Variants in MYEF2 observed in about 807,000 individuals in gnomAD.
MYEF2 encodes myelin gene expression factor 2.
MYEF2 carries 37 observed loss-of-function variants against 75.2 expected under a neutral mutation model. The ratio of observed to expected loss-of-function variants is 0.49; its 90% CI spans 0.38 to 0.65. MYEF2 has a LOEUF of 0.65. Ranked by LOEUF, MYEF2 falls within the 30% of genes least tolerant of loss-of-function variation. MYEF2 has a pLI of 0.00. For synonymous variants in MYEF2, 195 were observed against 241.6 expected (o/e 0.81, Z 1.79); for missense variants, 634 against 771.4 (o/e 0.82, Z 2.11).
chr15:48,148,675 T>A (rs1245355194), intron 16 of MYEF2, among the ~76,000 whole-genome samples: 1 of 152,026 alleles, frequency 6.6e-6, no homozygotes, highest in East Asian at 1.9e-4. Flanking sequence ...AAATATACCA[T>A]TTATTAATAT....
intron 5 of MYEF2, among the ~76,000 whole-genome samples, chr15:48,160,522 C>T (rs1011871103): frequency 6.6e-6 from 1 of 151,496 alleles, no homozygotes; most frequent in Non-Finnish European, 1.5e-5. Context: ...CACACACAAA[C>T]ATAAATGTAC....
intron 16 of MYEF2, 56 bp from the exon 17 acceptor site, chr15:48,143,127 T>G: frequency 7.8e-7 from 1 of 1,282,022 alleles, no homozygotes; most frequent in Non-Finnish European, 1.0e-6. Context: ...CTATTTCACT[T>G]TATAGGTTTG....
chr15:48,174,664 C>T (rs1279271521), intron 1 of MYEF2, among the ~76,000 whole-genome samples: 2 of 152,058 alleles, frequency 1.3e-5, no homozygotes, highest in Non-Finnish European at 2.9e-5. Context: ...AGAAGACATA[C>T]CAACGGCCAA....
At position 48,151,110 on chromosome 15, in the gene MYEF2, T is replaced by C. The variant is rs1463322994; in HGVS notation, c.1368A>G (p.Gly456=). The C allele has an allele frequency of 1.9e-6, 3 of 1,606,310 alleles. No individual in the cohort carries two copies. The Admixed American group carries it at 5.1e-5, about 27-fold the overall frequency. ...RIGSSNMGPV[G]SGISGGMGSM... Reference sequence around the variant, plus strand: ...AAAATTTAAACCTACTTATTCCAGATCCTACTGGACCCATGTTAGAAGATC... The same window carrying C: ...AAAATTTAAACCTACTTATTCCAGACCCTACTGGACCCATGTTAGAAGATC... The change falls in exon 14 of 17, where the codon GGA becomes GGG. Residue 456 remains glycine (G), a synonymous_variant. Coordinates refer to ENST00000324324, the MANE Select transcript of MYEF2 (RefSeq NM_016132.5).
At chr15:48,161,501 C>T (rs1022292479) in intron 5 of MYEF2, among the ~76,000 whole-genome samples, 1 of 151,668 alleles carries the variant, frequency 6.6e-6, no homozygotes, top group Admixed American at 6.6e-5. Context: ...CTGAATAAAT[C>T]CCTCATCATT....
chr15:48,153,915 T>G (rs1226840338), intron 9 of MYEF2, 22 bp from the exon 10 acceptor site: 2 of 1,596,996 alleles, frequency 1.3e-6, no homozygotes, highest in Admixed American at 3.4e-5. Flanking sequence ...ATGAGAACAA[T>G]CATTACAAAG....
chr15:48,134,897 C>A lies in MYEF2; in HGVS notation c.*8011G>T. 6.2e-7 allele frequency: 1 copy of A among 1,609,928 alleles called. No homozygotes were observed. Among genetic ancestry groups the A allele is most frequent in the Non-Finnish European group, 8.5e-7 (1 of 1,177,242 alleles). On this transcript the variant is annotated 3_prime_UTR_variant, in exon 17 of 17. Coordinates refer to ENST00000324324, the MANE Select transcript of MYEF2 (RefSeq NM_016132.5). ...ACCATATTACAGGTCTCAACACTAT[C>A]ATGTTGGCCCCTATTCAGAGACTGT...
chr15:48,140,648 A>G lies in MYEF2; in HGVS notation c.*2260T>C, dbSNP rs891011343. The G allele has an allele frequency of 3.3e-5, 5 of 151,892 alleles. No homozygotes were observed. The highest frequency in any genetic ancestry group is 1.2e-4 in the African/African-American group (5 of 41,232). The allele number at this position is 151,892 out of a possible 1,614,324, so 9.4% of individuals were successfully genotyped here. ...CTGCCAAAGCCCACTAAATTAAGGT[A>G]TATCACTAAAGTAGAACATAATAAA... On this transcript the variant is annotated 3_prime_UTR_variant, in exon 17 of 17. Coordinates refer to ENST00000324324, the MANE Select transcript of MYEF2 (RefSeq NM_016132.5).
chr15:48,140,160 G>C lies in MYEF2; in HGVS notation c.*2748C>G, dbSNP rs566745111. On this transcript the variant is annotated 3_prime_UTR_variant, in exon 17 of 17. Transcript: ENST00000324324. ...ATATCTATCCAAATTCACTCAGCCA[G>C]AACACATTTGATACTAGAAAAATAA... 2 of 151,772 alleles carry C rather than the reference G, an allele frequency of 1.3e-5. No individual in the cohort carries two copies. The highest frequency in any genetic ancestry group is 4.8e-5 in the African/African-American group (2 of 41,330). The allele number at this position is 151,772 out of a possible 1,614,324, so 9.4% of individuals were successfully genotyped here. A position where few individuals can be genotyped will look rare whatever the true frequency, so the allele number is the denominator to read the frequency against.
intron 9 of MYEF2, chr15:48,157,658 G>T: frequency 1.4e-6 from 1 of 709,100 alleles, no homozygotes; most frequent in Non-Finnish European, 1.8e-6. Flanking sequence ...TACATAGCAG[G>T]CTAGAAGAAA....
intron 9 of MYEF2, among the ~76,000 whole-genome samples, chr15:48,155,998 G>A (rs1458819387): frequency 1.3e-5 from 2 of 151,896 alleles, no homozygotes; most frequent in African/African-American, 4.8e-5. Flanking sequence ...GGCTGATCTC[G>A]AACTCCTGAC....
At chr15:48,160,465 A>C in intron 5 of MYEF2, among the ~76,000 whole-genome samples, 1 of 142,606 alleles carries the variant, frequency 7.0e-6, no homozygotes, top group Admixed American at 7.5e-5. Context: ...GAAACACCCT[A>C]CCTTTAAACA....
In MYEF2 at chr15:48,134,892, A is replaced by G. The variant is rs767431083; in HGVS notation, c.*8016T>C. 7 of 1,609,984 alleles carry G rather than the reference A, an allele frequency of 4.3e-6. No individual in the cohort carries two copies. The highest frequency in any genetic ancestry group is 1.7e-4 in the Middle Eastern group (1 of 6,042). The stretch of plus-strand genomic sequence containing the variant: ...AACTTACCATATTACAGGTCTCAAC[A>G]CTATCATGTTGGCCCCTATTCAGAG... On this transcript the variant is annotated 3_prime_UTR_variant, in exon 17 of 17. Transcript: ENST00000324324.
At chr15:48,144,163 G>A (rs1300952448) in intron 16 of MYEF2, among the ~76,000 whole-genome samples, 2 of 151,940 alleles carry the variant, frequency 1.3e-5, no homozygotes, top group African/African-American at 4.8e-5. Context: ...TTTAGTTCTA[G>A]GAAGGGAGGA....
chr15:48,148,072 T>C (rs961398333), intron 16 of MYEF2, among the ~76,000 whole-genome samples: 1 of 151,932 alleles, frequency 6.6e-6, no homozygotes, highest in Non-Finnish European at 1.5e-5. Flanking sequence ...TATAAAGAAA[T>C]ATGAGATAAT....
intron 1 of MYEF2, among the ~76,000 whole-genome samples, chr15:48,172,400 C>CA (rs1226662209): frequency 0.021 from 1,802 of 84,908 alleles, 47 homozygotes; most frequent in African/African-American, 0.07. Flanking sequence ...GACTCTGTAT[C>CA]AAAAAAAAAA....
chr15:48,157,816 C>T lies in MYEF2; in HGVS notation c.985+177G>A, dbSNP rs181148022. The stretch of plus-strand genomic sequence containing the variant: ...TACCAAAGAGAAAAAAAAAATGGCA[C>T]GTAACACTTATCTTCTCAGTCTTCC... On this transcript the variant is annotated intron_variant, in intron 9 of 16. Coordinates refer to ENST00000324324, the MANE Select transcript of MYEF2 (RefSeq NM_016132.5). The T allele has an allele frequency of 2.0e-3, 2,642 of 1,336,354 alleles. 7 individuals are homozygous for T. Among genetic ancestry groups the T allele is most frequent in the Admixed American group, 3.0e-3 (94 of 31,054 alleles). The allele number at this position is 1,336,354 out of a possible 1,614,324, so 82.8% of individuals were successfully genotyped here. A position where few individuals can be genotyped will look rare whatever the true frequency, so the allele number is the denominator to read the frequency against.
intron 5 of MYEF2, among the ~76,000 whole-genome samples, chr15:48,164,496 G>C (rs2040065297): frequency 6.6e-6 from 1 of 152,152 alleles, no homozygotes; most frequent in Admixed American, 6.5e-5. Context: ...AAAGGATTTA[G>C]AATATTATAT....
At position 48,138,260 on chromosome 15, in the gene MYEF2, C is replaced by T. The variant is rs935481595; in HGVS notation, c.*4648G>A. The T allele has an allele frequency of 5.3e-5, 8 of 151,920 alleles. No homozygotes were observed. The highest frequency in any genetic ancestry group is 1.9e-4 in the African/African-American group (8 of 41,416). 9.4% of individuals were successfully genotyped at this position (151,920 alleles called of 1,614,324 possible). ...GTTACATTATTTTGTAAATGCCATA[C>T]AAATTTTGAACATTTTTGAATTCGA... On this transcript the variant is annotated 3_prime_UTR_variant, in exon 17 of 17. Transcript: ENST00000324324.
Sources: allele counts gnomAD v4.1 joint callset (sites outside exome capture counted in the v4.1 genomes callset), GRCh38; gene constraint gnomAD v4.1.1; transcripts MANE v1.5; gene names NCBI Gene and HGNC (gene_info 2026-07-23, HGNC 2026-07-21).